The following BMPR1A variants were observed in gnomAD, a reference collection of about 807,000 sequenced individuals.
BMPR1A encodes the protein bone morphogenetic protein receptor type-1A.
A neutral mutation model predicts 66.0 loss-of-function variants in BMPR1A; 7 were observed. The observed-to-expected ratio is 0.11, with a 90% CI of 0.06 to 0.20. BMPR1A has a LOEUF of 0.20. Ranked by LOEUF, BMPR1A falls within the 10% of genes least tolerant of loss-of-function variation. The pLI, the probability that BMPR1A is intolerant of heterozygous loss-of-function variation, is 1.00. For missense variants in BMPR1A, 408 were observed against 669.1 expected (o/e 0.61, Z 4.31); for synonymous variants, 200 against 229.7 (o/e 0.87, Z 1.17).
intron 1 of BMPR1A, among the ~76,000 whole-genome samples, chr10:86,802,530 TA>T (rs1841826369): frequency 6.6e-6 from 1 of 152,062 alleles, no homozygotes; most frequent in African/African-American, 2.4e-5. Flanking sequence ...CACATTCAAA[TA>T]AGCAGTTTTT....
chr10:86,872,551 TTA>T (rs1208515943), intron 2 of BMPR1A, among the ~76,000 whole-genome samples: 1 of 152,136 alleles, frequency 6.6e-6, no homozygotes, highest in Admixed American at 6.5e-5. Context: ...GTTTGATAAC[TTA>T]ATATATGCAA....
intron 3 of BMPR1A, among the ~76,000 whole-genome samples, chr10:86,886,960 A>G (rs909647981): frequency 6.6e-6 from 1 of 150,438 alleles, no homozygotes; most frequent in Non-Finnish European, 1.5e-5. Flanking sequence ...CCACCTGAAT[A>G]CTGGGATTAC....
intron 10 of BMPR1A, among the ~76,000 whole-genome samples, 178 bp from the exon 11 acceptor site, chr10:86,921,342 G>T (rs1414227142): frequency 6.6e-6 from 1 of 152,096 alleles, no homozygotes; most frequent in Non-Finnish European, 1.5e-5. Flanking sequence ...CCCCAACCCT[G>T]CTGAGGATGT....
chr10:86,785,311 T>G (rs753678778), intron 1 of BMPR1A, among the ~76,000 whole-genome samples: 62 of 152,220 alleles, frequency 4.1e-4, no homozygotes, highest in Non-Finnish European at 2.6e-4. Flanking sequence ...TTTTTTTGTT[T>G]GTTTGTTTTT....
chr10:86,885,085 C>G (rs566901596), intron 3 of BMPR1A, among the ~76,000 whole-genome samples: 1 of 152,158 alleles, frequency 6.6e-6, no homozygotes, highest in South Asian at 2.1e-4. Context: ...CCTAGACCAA[C>G]GTAGTATGAC....
chr10:86,927,118 A>AT lies in BMPR1A; in HGVS notation c.*3403dup. 1 of 186,428 alleles carries AT rather than the reference A, an allele frequency of 5.4e-6. No homozygotes were observed. The highest frequency in any genetic ancestry group is 8.7e-5 in the East Asian group (1 of 11,528). 11.5% of individuals were successfully genotyped at this position (186,428 alleles called of 1,614,324 possible). A position where few individuals can be genotyped will look rare whatever the true frequency, so the allele number is the denominator to read the frequency against. ...ATTATGTTTTCCTAGAACGTGCCAA[A>AT]TTTTGATTTACTCTAACAATCAGTA... On this transcript the variant is annotated 3_prime_UTR_variant, in exon 13 of 13. Transcript: ENST00000372037.
rs78410645 is a variant in BMPR1A at position 86,892,540 on chromosome 10, T to C, written c.333+311T>C. ...TCACTGCAACCTCAAGCCAGCCTCCTGCCTCAGCCTTCTGAATAGCTGAGA... is the reference window on the plus strand; with the variant it reads ...TCACTGCAACCTCAAGCCAGCCTCCCGCCTCAGCCTTCTGAATAGCTGAGA... On this transcript the variant is annotated intron_variant, in intron 5 of 12. Coordinates refer to ENST00000372037, the MANE Select transcript of BMPR1A (RefSeq NM_004329.3). Among the ~76,000 whole-genome samples the C allele has an allele frequency of 0.12, 17,920 of 152,268 alleles. 1,281 individuals are homozygous for C. The highest frequency in any genetic ancestry group is 0.19 in the African/African-American group (7,800 of 41,554).
chr10:86,921,271 A>G (rs188618028), intron 10 of BMPR1A, among the ~76,000 whole-genome samples: 213 of 152,276 alleles, frequency 1.4e-3, no homozygotes, highest in African/African-American at 4.7e-3. Flanking sequence ...GAGGAGGACT[A>G]TCGGACTTAG....
chr10:86,912,809 AAAAG>A (rs1245759918), intron 8 of BMPR1A, among the ~76,000 whole-genome samples: 2 of 152,032 alleles, frequency 1.3e-5, no homozygotes, highest in African/African-American at 2.4e-5. Context: ...TCTGAAATAA[AAAAG>A]AAGTTTCAAC....
In BMPR1A at chr10:86,826,411, A is replaced by AACACACATACACACACACACAC. The variant is rs71477611; in HGVS notation, c.-267-12447_-267-12446insTACACACACACACACACACACA. On this transcript the variant is annotated intron_variant, in intron 1 of 12. Coordinates refer to ENST00000372037, the MANE Select transcript of BMPR1A (RefSeq NM_004329.3). ...ATTTGATCCAGAAACCAATCAAGGA[A>AACACACATACACACACACACAC]ACACACACACACACACACACACACA... 2.3e-3 allele frequency among the ~76,000 whole-genome samples: 334 copies of AACACACATACACACACACACAC among 147,098 alleles called. 2 individuals carry two copies. The highest frequency in any genetic ancestry group is 7.6e-3 in the African/African-American group (305 of 40,002).
intron 2 of BMPR1A, among the ~76,000 whole-genome samples, chr10:86,858,047 T>A (rs1359135890): frequency 6.6e-6 from 1 of 152,096 alleles, no homozygotes; most frequent in East Asian, 1.9e-4. Flanking sequence ...ATGAAAGAGT[T>A]TGTGGACATA....
chr10:86,882,957 G>A (rs950479651), intron 3 of BMPR1A, among the ~76,000 whole-genome samples: 1 of 151,636 alleles, frequency 6.6e-6, no homozygotes, highest in African/African-American at 2.4e-5. Flanking sequence ...GAGCGAAAAC[G>A]CCATCTCAAA....
intron 5 of BMPR1A, 51 bp from the exon 6 acceptor site, chr10:86,899,743 T>C (rs372023708): frequency 1.3e-6 from 2 of 1,537,276 alleles, no homozygotes; most frequent in East Asian, 2.2e-5. Context: ...AAAAGACATA[T>C]CAGTTTAAAA....
chr10:86,910,737 CTTTAA>C (rs1473572375), intron 7 of BMPR1A, among the ~76,000 whole-genome samples: 2 of 152,076 alleles, frequency 1.3e-5, no homozygotes, highest in Admixed American at 6.6e-5. Flanking sequence ...ATGGAAAATA[CTTTAA>C]TTTGTTTCTT....
intron 1 of BMPR1A, among the ~76,000 whole-genome samples, chr10:86,758,489 GTACAAA>G (rs1847915902): frequency 6.6e-6 from 1 of 151,288 alleles, no homozygotes; most frequent in Non-Finnish European, 1.5e-5. Flanking sequence ...GTTCTTTAAA[GTACAAA>G]TGTTCTTAAG....
At chr10:86,779,969 G>C (rs9988725) in intron 1 of BMPR1A, among the ~76,000 whole-genome samples, 1 of 151,980 alleles carries the variant, frequency 6.6e-6, no homozygotes, top group Non-Finnish European at 1.5e-5. Flanking sequence ...GCAGTAGTGC[G>C]ATCCTAACTC....
chr10:86,802,651 T>C (rs1349864455), intron 1 of BMPR1A, among the ~76,000 whole-genome samples: 4 of 152,214 alleles, frequency 2.6e-5, no homozygotes, highest in Non-Finnish European at 4.4e-5. Flanking sequence ...AAACCATCCT[T>C]ACAGATACTT....
intron 3 of BMPR1A, among the ~76,000 whole-genome samples, chr10:86,887,926 C>G (rs989762621): frequency 1.3e-5 from 2 of 152,166 alleles, no homozygotes; most frequent in Non-Finnish European, 2.9e-5. Context: ...GAATCCCAGT[C>G]TCCTCATTTC....
At chr10:86,793,067 T>C (rs1841651872) in intron 1 of BMPR1A, among the ~76,000 whole-genome samples, 1 of 151,590 alleles carries the variant, frequency 6.6e-6, no homozygotes, top group South Asian at 2.1e-4. Context: ...AGCTACTATG[T>C]GTCCTTTTTT....
Sources: allele counts gnomAD v4.1 joint callset (sites outside exome capture counted in the v4.1 genomes callset), GRCh38; gene constraint gnomAD v4.1.1; transcripts MANE v1.5; gene names NCBI Gene and HGNC (gene_info 2026-07-23, HGNC 2026-07-21).